ELL: variants seen among roughly 807,000 people sequenced by gnomAD.
ELL encodes RNA polymerase II elongation factor ELL.
Under a neutral mutation model 64.0 loss-of-function variants are expected in ELL, and 18 were observed. The observed-to-expected ratio is 0.28, with a 90% CI of 0.19 to 0.42. The LOEUF is 0.42. ELL is among the 10% of genes least tolerant of loss of function. The probability of loss-of-function intolerance (pLI) is 1.00; values close to 1 mark genes in which losing one functional copy is unlikely to be tolerated. For synonymous variants in ELL, 399 were observed against 376.2 expected, an observed-to-expected ratio of 1.06 and a Z score of -0.70; for missense variants, 797 against 870.4, an observed-to-expected ratio of 0.92 and a Z score of 1.06.
intron 1 of ELL, among the ~76,000 whole-genome samples, chr19:18,502,026 C>T (rs371352578): frequency 6.6e-5 from 10 of 152,316 alleles, no homozygotes; most frequent in African/African-American, 2.4e-4. Context: ...CCCCCAGAGG[C>T]TGCTGGAGTG....
At chr19:18,489,610 C>T (rs953507958) in intron 1 of ELL, among the ~76,000 whole-genome samples, 4 of 152,166 alleles carry the variant, frequency 2.6e-5, no homozygotes, top group African/African-American at 4.8e-5. Flanking sequence ...CTGATAAGGC[C>T]GGCAGGCTTA....
At chr19:18,446,622 CTA>C in intron 9 of ELL, 124 bp downstream of exon 9, 2 of 1,492,764 alleles carry the variant, frequency 1.3e-6, no homozygotes, top group Non-Finnish European at 1.8e-6. Context: ...GAAGAGGCTG[CTA>C]TGTTTGGAAT....
intron 1 of ELL, among the ~76,000 whole-genome samples, chr19:18,477,148 G>A (rs1172410018): frequency 6.6e-6 from 1 of 152,196 alleles, no homozygotes; most frequent in Non-Finnish European, 1.5e-5. Flanking sequence ...CAGCTGAAGA[G>A]GAAGACGTAC....
chr19:18,477,610 G>A (rs1271813340), intron 1 of ELL, among the ~76,000 whole-genome samples: 8 of 152,132 alleles, frequency 5.3e-5, no homozygotes, highest in African/African-American at 1.9e-4. Context: ...ACACTGGGAG[G>A]GCATCTTCAA....
chr19:18,463,775 G>A (rs538352694), intron 4 of ELL, among the ~76,000 whole-genome samples: 213 of 151,934 alleles, frequency 1.4e-3, no homozygotes, highest in African/African-American at 3.5e-3. Flanking sequence ...TCAGGAGATC[G>A]AGACCGTCCT....
chr19:18,489,740 C>T (rs1374350556), intron 1 of ELL, among the ~76,000 whole-genome samples: 1 of 152,146 alleles, frequency 6.6e-6, no homozygotes, highest in African/African-American at 2.4e-5. Context: ...AACACCTCCC[C>T]CAAGGCGTCA....
At chr19:18,474,769 G>T (rs1428147658) in intron 1 of ELL, among the ~76,000 whole-genome samples, 3 of 152,254 alleles carry the variant, frequency 2.0e-5, no homozygotes, top group African/African-American at 7.2e-5. Context: ...CTACTGCAGA[G>T]AACAGGGGAC....
At chr19:18,512,274 G>A (rs1423628829) in intron 1 of ELL, among the ~76,000 whole-genome samples, 1 of 150,438 alleles carries the variant, frequency 6.6e-6, no homozygotes, top group East Asian at 2.0e-4. Flanking sequence ...GCAGTGAGCT[G>A]TGATCACGTG....
chr19:18,499,670 AG>A, intron 1 of ELL, among the ~76,000 whole-genome samples: 1 of 152,092 alleles, frequency 6.6e-6, no homozygotes, highest in Non-Finnish European at 1.5e-5. Flanking sequence ...CCTCCCTTTC[AG>A]GGGCCACAGT....
At position 18,453,034 on chromosome 19, in the gene ELL, G is replaced by A. The variant is rs142399526; in HGVS notation, c.870-1386C>T. Among the ~76,000 whole-genome samples, 465 of 152,250 alleles carry A rather than the reference G, an allele frequency of 3.1e-3. 1 individual carries two copies. Among genetic ancestry groups the A allele is most frequent in the African/African-American group, 0.01 (435 of 41,556 alleles). The stretch of plus-strand genomic sequence containing the variant: ...CGCCTGTAATCCCAGCACTTTGGGA[G>A]GCCAAGGCAGGCGGATCACCTAAGG... On this transcript the variant is annotated intron_variant, in intron 6 of 11. Coordinates refer to ENST00000262809, the MANE Select transcript of ELL (RefSeq NM_006532.4).
In ELL at chr19:18,465,525, G is replaced by A. The variant is rs781331736; in HGVS notation, c.356C>T (p.Thr119Met). ...GTAGGAGTCGTCGGTGGCACACACC[G>A]TGATCTTGTCCTGTATGCTGCCCAG... ...DCLGSIQDKI[T>M]VCATDDSYQK... The change falls in exon 4 of 12, where the codon ACG becomes ATG. Residue 119 changes from threonine (T) to methionine (M), a missense_variant. Coordinates refer to ENST00000262809, the MANE Select transcript of ELL (RefSeq NM_006532.4). 5 of 1,612,510 alleles carry A rather than the reference G, an allele frequency of 3.1e-6. No individual in the cohort carries two copies. Among genetic ancestry groups the A allele is most frequent in the Non-Finnish European group, 3.4e-6 (4 of 1,178,882 alleles).
At chr19:18,474,378 CTTTGCCAAGTCTCTCCAAGGAT>C (rs1975132463) in intron 1 of ELL, among the ~76,000 whole-genome samples, 1 of 152,222 alleles carries the variant, frequency 6.6e-6, no homozygotes, top group African/African-American at 2.4e-5. Flanking sequence ...GAGCCCCCTT[CTTTGCCAAGTCTCTCCAAGGAT>C]TTTGCCAAGA....
Position 18,444,735 on chromosome 19 carries a change from G to A in ELL, c.*17C>T, listed in dbSNP as rs371183236. ...GCTCCCCCGACCCTCCCAGATCCCC[G>A]CCATCGGGGAGGGCGGCTAGGGCCA... On this transcript the variant is annotated 3_prime_UTR_variant, in exon 12 of 12. Coordinates refer to ENST00000262809, the MANE Select transcript of ELL (RefSeq NM_006532.4). The A allele has an allele frequency of 2.0e-4, 322 of 1,586,786 alleles. No individual in the cohort carries two copies. Among genetic ancestry groups the A allele is most frequent in the Non-Finnish European group, 2.6e-4 (306 of 1,169,496 alleles).
At position 18,472,868 on chromosome 19, in the gene ELL, C is replaced by T. The variant is rs369645603; in HGVS notation, c.150G>A (p.Leu50=). The change falls in exon 2 of 12, where the codon CTG becomes CTA. Residue 50 remains leucine (L), a synonymous_variant. Transcript: ENST00000262809. The stretch of plus-strand genomic sequence containing the variant: ...TTCCTTGAAATCGGATAGATGGCCT[C>T]AGTGAAACAGAATCCTATAAAAAAA... The part of the protein sequence containing the change: ...SYRARQDSVS[L]RPSIRFQGSQ... The T allele has an allele frequency of 2.8e-5, 37 of 1,334,602 alleles. No individual in the cohort carries two copies. In the African/African-American group the frequency reaches 5.7e-4, roughly 21 times the overall value. 82.7% of individuals were successfully genotyped at this position (1,334,602 alleles called of 1,614,324 possible). A position where few individuals can be genotyped will look rare whatever the true frequency, so the allele number is the denominator to read the frequency against.
intron 1 of ELL, among the ~76,000 whole-genome samples, chr19:18,482,996 G>T (rs548151485): frequency 1.3e-5 from 2 of 151,912 alleles, no homozygotes; most frequent in Non-Finnish European, 2.9e-5. Context: ...GCCCAGGCTG[G>T]TCTCAAACTC....
Position 18,456,961 on chromosome 19 carries a change from GAA to G in ELL, c.869+1242_869+1243del, listed in dbSNP as rs34664859. Among the ~76,000 whole-genome samples, 378 of 137,766 alleles carry G rather than the reference GAA, an allele frequency of 2.7e-3. 2 individuals carry two copies. Among genetic ancestry groups the G allele is most frequent in the African/African-American group, 8.9e-3 (337 of 37,778 alleles). The allele number at this position is 137,766 out of a possible 152,430, so 90.4% of individuals were successfully genotyped here. A position where few individuals can be genotyped will look rare whatever the true frequency, so the allele number is the denominator to read the frequency against. On this transcript the variant is annotated intron_variant, in intron 6 of 11. Transcript: ENST00000262809. ...TTCTTAGGGATGGGGTGCTAAATAG[GAA>G]AAAAAAAAAAAAACAGCTATGCAGA...
chr19:18,458,473 C>A, intron 5 of ELL, 144 bp from the exon 6 acceptor site: 1 of 1,300,256 alleles, frequency 7.7e-7, no homozygotes, highest in South Asian at 1.5e-5. Flanking sequence ...GAGGATGGCC[C>A]ACTACCGATC....
intron 1 of ELL, among the ~76,000 whole-genome samples, chr19:18,480,935 G>T (rs7254249): frequency 6.6e-5 from 10 of 152,130 alleles, no homozygotes; most frequent in Non-Finnish European, 1.3e-4. Context: ...CACCCAGCCC[G>T]CAGCAGATAT....
chr19:18,465,722 T>A (rs1260279835), intron 3 of ELL, 75 bp downstream of exon 3: 3 of 1,445,464 alleles, frequency 2.1e-6, no homozygotes, highest in South Asian at 1.5e-5. Context: ...ATGGGGCACA[T>A]CTCAACCCTG....
Sources: gnomAD v4.1 joint callset for allele counts (sites outside exome capture counted in the v4.1 genomes callset) on GRCh38, gnomAD v4.1.1 for gene constraint, MANE v1.5 for transcripts, NCBI Gene and HGNC (gene_info 2026-07-23, HGNC 2026-07-21) for gene names.